NUP93: variants seen among roughly 807,000 people sequenced by gnomAD.
NUP93 encodes nucleoporin 93.
NUP93 carries 55 observed loss-of-function variants against 107.8 expected under a neutral mutation model. That is an observed-to-expected ratio of 0.51 (90% CI 0.41 to 0.64). NUP93 has a LOEUF of 0.64. NUP93 is among the 30% of genes least tolerant of loss of function. The probability of loss-of-function intolerance (pLI) is 0.00; values close to 1 mark genes in which losing one functional copy is unlikely to be tolerated. For synonymous variants in NUP93, 390 were observed against 397.5 expected (o/e 0.98, Z 0.22); for missense variants, 937 against 1,044.7 (o/e 0.90, Z 1.42).
chr16:56,812,908 A>C (rs1963347151), intron 5 of NUP93, among the ~76,000 whole-genome samples: 1 of 152,212 alleles, frequency 6.6e-6, no homozygotes, highest in Non-Finnish European at 1.5e-5. Flanking sequence ...TGAGGCTTGC[A>C]TGACAGCATG....
intron 3 of NUP93, among the ~76,000 whole-genome samples, chr16:56,772,911 A>T (rs542608813): frequency 6.6e-6 from 1 of 152,112 alleles, no homozygotes; most frequent in African/African-American, 2.4e-5. Flanking sequence ...TTGGTCTTGG[A>T]CCCTGTTTCC....
chr16:56,826,701 TTTC>T (rs1409809080), intron 8 of NUP93, among the ~76,000 whole-genome samples: 15 of 152,248 alleles, frequency 9.9e-5, no homozygotes, highest in African/African-American at 3.6e-4. Flanking sequence ...CCTTGTTGTA[TTTC>T]TTTTTTCCCC....
intron 1 of NUP93, among the ~76,000 whole-genome samples, chr16:56,738,862 C>A (rs1471983512): frequency 6.6e-6 from 1 of 151,790 alleles, no homozygotes; most frequent in African/African-American, 2.4e-5. Context: ...ATGTTGAACA[C>A]CATTCTTGTG....
chr16:56,799,241 A>G (rs1962967808), intron 4 of NUP93, among the ~76,000 whole-genome samples: 1 of 152,168 alleles, frequency 6.6e-6, no homozygotes, highest in Admixed American at 6.5e-5. Context: ...CACCTTTTAT[A>G]TTAACAATTT....
Position 56,832,402 on chromosome 16 carries a change from C to A in NUP93, c.1345+14C>A. 6.3e-7 allele frequency: 1 copy of A among 1,593,648 alleles called. No individual in the cohort carries two copies. The highest frequency in any genetic ancestry group is 1.3e-5 in the African/African-American group (1 of 74,646). Reference sequence around the variant, plus strand: ...TGGAAGACTATGGTAAGATTCTGGACATAACCACCTTTCCCTTCTCTTGTC... The same window carrying A: ...TGGAAGACTATGGTAAGATTCTGGAAATAACCACCTTTCCCTTCTCTTGTC... On this transcript the variant is annotated intron_variant, in intron 12 of 21. Coordinates refer to ENST00000308159, the MANE Select transcript of NUP93 (RefSeq NM_014669.5).
intron 10 of NUP93, among the ~76,000 whole-genome samples, chr16:56,830,899 G>A (rs1264960668): frequency 6.6e-6 from 1 of 152,196 alleles, no homozygotes; most frequent in African/African-American, 2.4e-5. Context: ...AGGCATGCAT[G>A]CATCTGTGTT....
At chr16:56,814,299 G>A (rs573980318) in intron 5 of NUP93, among the ~76,000 whole-genome samples, 1 of 152,236 alleles carries the variant, frequency 6.6e-6, no homozygotes, top group Non-Finnish European at 1.5e-5. Context: ...TCTCGCTTCA[G>A]CCTCCCAAGT....
intron 3 of NUP93, chr16:56,783,753 C>T: frequency 1.0e-6 from 1 of 985,356 alleles, no homozygotes. Context: ...ACATTAGGTT[C>T]CATGGCACAG....
At chr16:56,751,060 A>G (rs1231542894) in intron 2 of NUP93, among the ~76,000 whole-genome samples, 2 of 151,938 alleles carry the variant, frequency 1.3e-5, no homozygotes, top group Non-Finnish European at 2.9e-5. Flanking sequence ...AGGTAGGAGG[A>G]TTGCTTGAGC....
At chr16:56,804,726 T>C (rs1963096131) in intron 4 of NUP93, among the ~76,000 whole-genome samples, 1 of 151,996 alleles carries the variant, frequency 6.6e-6, no homozygotes, top group South Asian at 2.1e-4. Context: ...CTGGCCAACA[T>C]GGTGAAACCC....
chr16:56,798,587 G>T, intron 4 of NUP93, 49 bp downstream of exon 4: 6 of 1,469,984 alleles, frequency 4.1e-6, no homozygotes, highest in Non-Finnish European at 5.7e-6. Context: ...GGGCAAGAGG[G>T]CTGGGCGTGG....
chr16:56,770,236 T>A (rs186735516), intron 3 of NUP93, among the ~76,000 whole-genome samples: 1 of 152,330 alleles, frequency 6.6e-6, no homozygotes, highest in East Asian at 1.9e-4. Flanking sequence ...GGTTCCACTC[T>A]GCTGGCATGG....
At chr16:56,773,704 C>A (rs1435602347) in intron 3 of NUP93, among the ~76,000 whole-genome samples, 1 of 152,162 alleles carries the variant, frequency 6.6e-6, no homozygotes, top group Non-Finnish European at 1.5e-5. Flanking sequence ...TTAACAAGTA[C>A]TCCAGCTTGA....
At chr16:56,791,816 C>A (rs1052386697) in intron 3 of NUP93, among the ~76,000 whole-genome samples, 1 of 152,226 alleles carries the variant, frequency 6.6e-6, no homozygotes, top group Non-Finnish European at 1.5e-5. Flanking sequence ...ACTGGAGATA[C>A]TGCTTGGACA....
intron 2 of NUP93, among the ~76,000 whole-genome samples, chr16:56,749,623 T>TC (rs1961883405): frequency 6.6e-6 from 1 of 152,216 alleles, no homozygotes; most frequent in Non-Finnish European, 1.5e-5. Flanking sequence ...CATCGTCTGC[T>TC]CTAAGCATTT....
At position 56,830,580 on chromosome 16, in the gene NUP93, G is replaced by A. The variant is rs771130377; in HGVS notation, c.980G>A (p.Arg327His). The A allele has an allele frequency of 1.3e-5, 21 of 1,609,788 alleles. No individual in the cohort carries two copies. In the South Asian group the frequency reaches 1.4e-4, roughly 11 times the overall value. ...TGGGCGCTAATTTACTACTGCATGC[G>A]CTGTGGAGACCTGCTTGCCGCTTCA... Reference protein sequence around the residue: ...PVWALIYYCMRCGDLLAASQV... With the variant: ...PVWALIYYCMHCGDLLAASQV... Residue 327 changes from arginine to histidine, a missense_variant, in exon 10 of 22, where the codon CGC (arginine) becomes CAC (histidine). Arg to His is a conservative substitution (Grantham distance 29, BLOSUM62 0). Coordinates refer to ENST00000308159, the MANE Select transcript of NUP93 (RefSeq NM_014669.5).
Position 56,841,751 on chromosome 16 carries a change from T to C in NUP93, c.2267T>C (p.Leu756Ser), listed in dbSNP as rs748221967. 9 of 1,614,220 alleles carry C rather than the reference T, an allele frequency of 5.6e-6. No individual in the cohort carries two copies. Among genetic ancestry groups the C allele is most frequent in the Non-Finnish European group, 7.6e-6 (9 of 1,180,028 alleles). The change falls in exon 21 of 22, where the codon TTG becomes TCG. Residue 756 changes from leucine to serine, a missense_variant. Coordinates refer to ENST00000308159, the MANE Select transcript of NUP93 (RefSeq NM_014669.5). The stretch of plus-strand genomic sequence containing the variant: ...GTGCTTCTTGCCACCATGAACATCT[T>C]GTTCACACAGTTTAAGAGGCTCAAG... Reference protein sequence around the residue: ...SEVLLATMNILFTQFKRLKGT... With the variant: ...SEVLLATMNISFTQFKRLKGT...
At chr16:56,806,828 G>A (rs377652364) in intron 5 of NUP93, among the ~76,000 whole-genome samples, 38 of 152,252 alleles carry the variant, frequency 2.5e-4, no homozygotes, top group African/African-American at 6.7e-4. Flanking sequence ...CACTCCAGGG[G>A]AGAGGATTAT....
chr16:56,771,964 T>G (rs1440410782), intron 3 of NUP93, among the ~76,000 whole-genome samples: 4 of 152,218 alleles, frequency 2.6e-5, no homozygotes, highest in Non-Finnish European at 5.9e-5. Flanking sequence ...TTATTTTGCT[T>G]TCTGTTTTAT....
Sources: gnomAD v4.1 joint callset for allele counts (sites outside exome capture counted in the v4.1 genomes callset) on GRCh38, gnomAD v4.1.1 for gene constraint, MANE v1.5 for transcripts, NCBI Gene and HGNC (gene_info 2026-07-23, HGNC 2026-07-21) for gene names.